Variants in SMARCD1 observed in about 807,000 individuals in gnomAD.
The protein encoded by SMARCD1 is SWI/SNF-related matrix-associated actin-dependent regulator of chromatin subfamily D member 1.
SMARCD1 carries 16 observed loss-of-function variants against 70.8 expected under a neutral mutation model. The observed-to-expected ratio is 0.23, with a 90% confidence interval of 0.15 to 0.34. The LOEUF is 0.34. Among genes scored for constraint, SMARCD1 ranks in the 10% least tolerant of loss-of-function variants. SMARCD1 has a pLI of 1.00. For synonymous variants in SMARCD1, 249 were observed against 246.0 expected, an observed-to-expected ratio of 1.01 and a Z score of -0.11; for missense variants, 409 against 655.5, an observed-to-expected ratio of 0.62 and a Z score of 4.11.
At chr12:50,092,208 C>CTTTCTTTTCT (rs1167507360) in intron 9 of SMARCD1, among the ~76,000 whole-genome samples, 1 of 140,766 alleles carries the variant, frequency 7.1e-6, no homozygotes, top group Non-Finnish European at 1.5e-5. Context: ...CTGGTAAGGG[C>CTTTCTTTTCT]TTTCTTTTCT....
At chr12:50,096,574 AG>A in intron 10 of SMARCD1, 1 of 325,708 alleles carries the variant, frequency 3.1e-6, no homozygotes, top group East Asian at 5.2e-5. Flanking sequence ...CTGTGGAGTA[AG>A]TATTCATCAT....
rs1950801117 is a variant in SMARCD1, at chr12:50,087,348, T to C, written c.532-15T>C. 1.2e-6 allele frequency: 2 copies of C among 1,613,060 alleles called. No individual in the cohort carries two copies. The highest frequency in any genetic ancestry group is 2.2e-5 in the South Asian group (2 of 91,000). On this transcript the variant is annotated splice_polypyrimidine_tract_variant and intron_variant, in intron 4 of 12. Coordinates refer to ENST00000394963, the MANE Select transcript of SMARCD1 (RefSeq NM_003076.5). Reference sequence around the variant, plus strand: ...ACTGAAGCCCCACGATCAATCCTGTTTCTGCCTTCCTCAGCAAAAACGGAA... The same window carrying C: ...ACTGAAGCCCCACGATCAATCCTGTCTCTGCCTTCCTCAGCAAAAACGGAA...
chr12:50,090,368 G>A lies in SMARCD1; in HGVS notation c.1001G>A (p.Arg334Gln), dbSNP rs575681571. The change falls in exon 8 of 13, where the codon CGG (arginine) becomes CAG (glutamine). Residue 334 changes from arginine (R) to glutamine (Q), a missense_variant. Arg to Gln is a conservative substitution (Grantham distance 43, BLOSUM62 1). Around this residue, in one of 2 missense-constraint regions of SMARCD1, gnomAD observed 269 missense variants for 498.6 expected, o/e 0.54. Transcript: ENST00000394963. The stretch of plus-strand genomic sequence containing the variant: ...CATAAGCTCCAGGACCCTCACGAGC[G>A]GGAGTTTGTCATCTGTGACAAGTAC... Reference protein sequence around the residue: ...KTHKLQDPHEREFVICDKYLQ... With the variant: ...KTHKLQDPHEQEFVICDKYLQ... 3 of 1,614,010 alleles carry A rather than the reference G, an allele frequency of 1.9e-6. No individual in the cohort carries two copies. Among genetic ancestry groups the A allele is most frequent in the African/African-American group, 1.3e-5 (1 of 75,034 alleles).
At chr12:50,088,436 T>C in intron 5 of SMARCD1, 85 bp from the exon 6 acceptor site, 1 of 757,446 alleles carries the variant, frequency 1.3e-6, no homozygotes, top group Non-Finnish European at 2.3e-6. Context: ...TTTCCATTGT[T>C]GTTGGGGTTC....
chr12:50,095,656 G>T (rs141429883), intron 10 of SMARCD1, among the ~76,000 whole-genome samples: 5 of 152,282 alleles, frequency 3.3e-5, no homozygotes, highest in Non-Finnish European at 7.3e-5. Flanking sequence ...CAAAGTGGGT[G>T]TTAATGAAAG....
intron 10 of SMARCD1, among the ~76,000 whole-genome samples, chr12:50,095,413 G>A (rs926597671): frequency 2.6e-5 from 4 of 151,394 alleles, no homozygotes; most frequent in Admixed American, 2.6e-4. Flanking sequence ...TACGACCTCC[G>A]CCTCCTGGGT....
intron 1 of SMARCD1, chr12:50,085,786 A>G (rs1950782929): frequency 2.5e-6 from 1 of 400,530 alleles, no homozygotes; most frequent in Non-Finnish European, 4.4e-6. Context: ...GGGTCCAGGG[A>G]TACCTGTATG....
chr12:50,085,963 T>C (rs1950784849), intron 1 of SMARCD1, 198 bp from the exon 2 acceptor site: 1 of 416,736 alleles, frequency 2.4e-6, no homozygotes, highest in Admixed American at 4.0e-5. Context: ...AATTTGAGTA[T>C]AATCTGGCTC....
chr12:50,087,597 A>T, intron 5 of SMARCD1, 112 bp downstream of exon 5: 3 of 1,261,698 alleles, frequency 2.4e-6, no homozygotes, highest in East Asian at 2.5e-5. Flanking sequence ...TTTTGGGAGC[A>T]GTAAGGAGAG....
rs763909949 is a variant in SMARCD1, at chr12:50,086,166, A to G, written c.183A>G (p.Pro61=). The change falls in exon 2 of 13, where the codon CCA becomes CCG. Residue 61 remains proline, a synonymous_variant. Coordinates refer to ENST00000394963, the MANE Select transcript of SMARCD1 (RefSeq NM_003076.5). ...SPMPGAAYPR[P]GMLPGSRMTP... ...GGGTCCTCTCCCCTCTGTAGAGACC[A>G]GGTATGTTGCCAGGCAGCCGAATGA... The G allele has an allele frequency of 2.6e-6, 4 of 1,555,668 alleles. No individual in the cohort carries two copies. The highest frequency in any genetic ancestry group is 8.7e-7 in the Non-Finnish European group (1 of 1,147,624).
At chr12:50,096,243 C>T (rs753772883) in intron 10 of SMARCD1, among the ~76,000 whole-genome samples, 3 of 152,092 alleles carry the variant, frequency 2.0e-5, no homozygotes, top group Non-Finnish European at 4.4e-5. Flanking sequence ...CCTCCCAGGT[C>T]TCTAGCTTGG....
Position 50,086,206 on chromosome 12 carries a change from T to C in SMARCD1, c.223T>C (p.Ser75Pro), listed in dbSNP as rs1565737619. ...PGSRMTPQGPSMGPPGYGGNP... is the reference protein window; with the variant it reads ...PGSRMTPQGPPMGPPGYGGNP... ...CAGCCGAATGACACCTCAGGGACCT[T>C]CCATGGGACCCCCTGGCTATGGGGG... Residue 75 changes from serine to proline, a missense_variant, in exon 2 of 13, where the codon TCC (serine) becomes CCC (proline). Ser to Pro is a moderately conservative substitution (Grantham distance 74). This residue lies in a region of SMARCD1 where 140 missense variants were observed against 156.9 expected (regional missense o/e 0.89). Transcript: ENST00000394963. 2 of 1,604,124 alleles carry C rather than the reference T, an allele frequency of 1.2e-6. No individual in the cohort carries two copies. Among genetic ancestry groups the C allele is most frequent in the Non-Finnish European group, 1.7e-6 (2 of 1,174,332 alleles).
At chr12:50,098,605 A>T (rs1224313466) in intron 11 of SMARCD1, 109 bp from the exon 12 acceptor site, 1 of 825,660 alleles carries the variant, frequency 1.2e-6, no homozygotes. Context: ...GGTTGGTTAG[A>T]CTTCAACATT....
chr12:50,094,828 C>G (rs575183171), intron 10 of SMARCD1, among the ~76,000 whole-genome samples: 2 of 152,260 alleles, frequency 1.3e-5, no homozygotes, highest in East Asian at 3.9e-4. Context: ...TCAGGAGTCT[C>G]GCTCTCTCGC....
chr12:50,097,600 G>A (rs771306695), intron 11 of SMARCD1, among the ~76,000 whole-genome samples: 204 of 147,808 alleles, frequency 1.4e-3, no homozygotes, highest in Non-Finnish European at 1.9e-3. Context: ...AACCACATAA[G>A]ACATTATCAG....
intron 11 of SMARCD1, chr12:50,098,447 T>C: frequency 2.1e-6 from 1 of 472,220 alleles, no homozygotes; most frequent in Non-Finnish European, 3.8e-6. Flanking sequence ...TTGTCTTCCT[T>C]CTGTATGTGT....
chr12:50,099,252 G>C lies in SMARCD1; in HGVS notation c.*252G>C. The C allele has an allele frequency of 1.7e-6, 1 of 605,644 alleles. No homozygotes were observed. Among genetic ancestry groups the C allele is most frequent in the Non-Finnish European group, 2.9e-6 (1 of 340,370 alleles). The allele number at this position is 605,644 out of a possible 1,614,324, so 37.5% of individuals were successfully genotyped here. On this transcript the variant is annotated 3_prime_UTR_variant, in exon 13 of 13. Transcript: ENST00000394963. ...CCTGTACCCTCCCCTGGTCTACATAGGACCTCTAGATAGTGTTAGAGAGAG... is the reference window on the plus strand; with the variant it reads ...CCTGTACCCTCCCCTGGTCTACATACGACCTCTAGATAGTGTTAGAGAGAG...
chr12:50,096,427 T>C (rs1288125457), intron 10 of SMARCD1, among the ~76,000 whole-genome samples: 1 of 152,094 alleles, frequency 6.6e-6, no homozygotes, highest in Non-Finnish European at 1.5e-5. Context: ...ATGGAAGATA[T>C]ACAAGTCAAA....
intron 9 of SMARCD1, among the ~76,000 whole-genome samples, chr12:50,092,624 A>C (rs571972994): frequency 3.3e-5 from 5 of 152,146 alleles, no homozygotes; most frequent in African/African-American, 7.2e-5. Flanking sequence ...CTTACACAGT[A>C]GTAACTCCTC....
Sources: allele counts gnomAD v4.1 joint callset (sites outside exome capture counted in the v4.1 genomes callset), GRCh38; gene constraint gnomAD v4.1.1; regional missense constraint gnomAD v4.1.1; transcripts MANE v1.5; gene names NCBI Gene and HGNC (gene_info 2026-07-23, HGNC 2026-07-21).